TIMP2: variants seen among roughly 807,000 people sequenced by gnomAD.
The protein encoded by TIMP2 is TIMP metallopeptidase inhibitor 2, also known as metalloproteinase inhibitor 2.
TIMP2 carries 5 observed loss-of-function variants against 24.3 expected under a neutral mutation model. The observed-to-expected ratio is 0.21, with a 90% CI of 0.11 to 0.43. The LOEUF is 0.43. Among genes scored for constraint, TIMP2 ranks in the 20% least tolerant of loss-of-function variants. The pLI, the probability that TIMP2 is intolerant of heterozygous loss-of-function variation, is 1.00. For synonymous variants in TIMP2, 130 were observed against 123.2 expected, an observed-to-expected ratio of 1.06 and a Z score of -0.37; for missense variants, 221 against 297.5, an observed-to-expected ratio of 0.74 and a Z score of 1.89.
intron 1 of TIMP2, among the ~76,000 whole-genome samples, chr17:78,923,743 A>G (rs1300525623): frequency 2.0e-5 from 3 of 152,118 alleles, no homozygotes; most frequent in South Asian, 4.1e-4. Context: ...GAGACCTGTG[A>G]TCTCAATAGA....
At chr17:78,888,748 A>G (rs990815473) in intron 1 of TIMP2, among the ~76,000 whole-genome samples, 6 of 152,182 alleles carry the variant, frequency 3.9e-5, no homozygotes, top group Admixed American at 6.5e-5. Context: ...ATCAGCAGGT[A>G]TATGTCCAAG....
chr17:78,885,546 C>A (rs549212952), intron 1 of TIMP2, among the ~76,000 whole-genome samples: 14 of 152,282 alleles, frequency 9.2e-5, no homozygotes, highest in Middle Eastern at 6.8e-3. Context: ...CACCCCTGAG[C>A]CCGCCAACAT....
At chr17:78,884,801 C>T (rs539454173) in intron 1 of TIMP2, among the ~76,000 whole-genome samples, 1 of 152,322 alleles carries the variant, frequency 6.6e-6, no homozygotes, top group Non-Finnish European at 1.5e-5. Flanking sequence ...GGAAGAATGA[C>T]CACAGGTCAG....
intron 1 of TIMP2, chr17:78,901,696 T>C (rs1034314619): frequency 9.8e-5 from 70 of 716,060 alleles, no homozygotes; most frequent in Middle Eastern, 9.7e-4. Flanking sequence ...ATGGGGATGA[T>C]AACAACAGCA....
chr17:78,891,016 C>T lies in TIMP2; in HGVS notation c.131-17097G>A. ...GCCTTTGCCTGGATGCCGTCGAGCCCACTCTGTCTGCCTGGTCTTGAAGGT... is the reference window on the plus strand; with the variant it reads ...GCCTTTGCCTGGATGCCGTCGAGCCTACTCTGTCTGCCTGGTCTTGAAGGT... On this transcript the variant is annotated intron_variant, in intron 1 of 4. Transcript: ENST00000262768. The surrounding 1 kb of genome is among the most constrained non-coding windows in gnomAD (Gnocchi z 4.5). The T allele has an allele frequency of 6.4e-7, 1 of 1,551,212 alleles. No individual in the cohort carries two copies.
chr17:78,902,018 C>A, intron 1 of TIMP2: 1 of 563,492 alleles, frequency 1.8e-6, no homozygotes, highest in Admixed American at 3.2e-5. Flanking sequence ...AAATACCCTC[C>A]ATGACACGCT....
intron 1 of TIMP2, 109 bp from the exon 2 acceptor site, chr17:78,874,028 C>G (rs746075311): frequency 2.0e-5 from 19 of 959,516 alleles, no homozygotes; most frequent in Non-Finnish European, 2.4e-5. Context: ...GGGTTACAGA[C>G]AGCAGCAAGG....
chr17:78,876,532 T>C (rs558039554), intron 1 of TIMP2, among the ~76,000 whole-genome samples: 1 of 152,148 alleles, frequency 6.6e-6, no homozygotes, highest in African/African-American at 2.4e-5. Flanking sequence ...ATATATTTTT[T>C]TGAGACGGAG....
rs57033728 is a variant in TIMP2 at position 78,887,942 on chromosome 17, T to C, written c.131-14023A>G. Among the ~76,000 whole-genome samples, 315 of 152,216 alleles carry C rather than the reference T, an allele frequency of 2.1e-3. 6 individuals are homozygous for C. The East Asian group carries it at 0.051, about 25-fold the overall frequency. ...GCTCATACACGCGATGAGGATATGCTGCAGTGAAAATGAGTAAGAGGCGTT... is the reference window on the plus strand; with the variant it reads ...GCTCATACACGCGATGAGGATATGCCGCAGTGAAAATGAGTAAGAGGCGTT... On this transcript the variant is annotated intron_variant, in intron 1 of 4. Transcript: ENST00000262768.
chr17:78,866,273 G>A lies in TIMP2; in HGVS notation c.340+4625C>T, dbSNP rs369145164. On this transcript the variant is annotated intron_variant, in intron 3 of 4. Transcript: ENST00000262768. Reference sequence around the variant, plus strand: ...ATGCCTCTGCCACGCGCCACCGTGCGTGCTGTGCGGCCACCCCAGCTCTCC... The same window carrying A: ...ATGCCTCTGCCACGCGCCACCGTGCATGCTGTGCGGCCACCCCAGCTCTCC... Among the ~76,000 whole-genome samples the A allele has an allele frequency of 1.2e-4, 19 of 152,244 alleles. No homozygotes were observed. In the East Asian group the frequency reaches 2.9e-3, roughly 23 times the overall value.
chr17:78,873,193 G>A (rs956361484), intron 2 of TIMP2, among the ~76,000 whole-genome samples: 2 of 151,880 alleles, frequency 1.3e-5, no homozygotes, highest in East Asian at 1.9e-4. Flanking sequence ...CTCCACCTGC[G>A]ACATGAATTT....
intron 3 of TIMP2, among the ~76,000 whole-genome samples, chr17:78,857,985 G>T (rs1014978076): frequency 6.6e-6 from 1 of 151,928 alleles, no homozygotes; most frequent in Non-Finnish European, 1.5e-5. Context: ...CAGGAGAATC[G>T]CTCTTGCACC....
intron 1 of TIMP2, among the ~76,000 whole-genome samples, chr17:78,894,416 G>C (rs2069965971): frequency 6.6e-6 from 1 of 152,040 alleles, no homozygotes; most frequent in Non-Finnish European, 1.5e-5. Flanking sequence ...AATTAGAATA[G>C]TGGTTAATAT....
chr17:78,916,305 G>T (rs181409852), intron 1 of TIMP2, among the ~76,000 whole-genome samples: 1 of 152,298 alleles, frequency 6.6e-6, no homozygotes, highest in African/African-American at 2.4e-5. Context: ...ATGAATGTCA[G>T]TTCCCCTCGC....
intron 4 of TIMP2, 113 bp downstream of exon 4, chr17:78,857,409 A>G (rs746352967): frequency 2.1e-6 from 3 of 1,427,832 alleles, no homozygotes; most frequent in Non-Finnish European, 2.9e-6. Flanking sequence ...GCCTGGTCTT[A>G]GATCAGGAGC....
intron 1 of TIMP2, among the ~76,000 whole-genome samples, chr17:78,918,598 C>T (rs1165834713): frequency 6.6e-6 from 1 of 152,210 alleles, no homozygotes; most frequent in African/African-American, 2.4e-5. Context: ...CCTGCTTACT[C>T]CACCCCCCGA....
At chr17:78,879,294 A>G (rs1211285889) in intron 1 of TIMP2, among the ~76,000 whole-genome samples, 1 of 152,162 alleles carries the variant, frequency 6.6e-6, no homozygotes, top group African/African-American at 2.4e-5. Flanking sequence ...GCCAATGGCA[A>G]TGGTCCGCAC....
intron 3 of TIMP2, among the ~76,000 whole-genome samples, chr17:78,866,462 G>A (rs986069148): frequency 6.6e-5 from 10 of 151,906 alleles, no homozygotes; most frequent in African/African-American, 2.4e-4. Context: ...TTTGGAAAAC[G>A]GTCTGCCAGC....
At chr17:78,902,427 G>A (rs760080598) in intron 1 of TIMP2, among the ~76,000 whole-genome samples, 7 of 152,222 alleles carry the variant, frequency 4.6e-5, no homozygotes, top group Non-Finnish European at 8.8e-5. Flanking sequence ...TTTTGGACTG[G>A]CTGTGTTAGC....
Sources: allele counts gnomAD v4.1 joint callset (sites outside exome capture counted in the v4.1 genomes callset), GRCh38; gene constraint gnomAD v4.1.1; non-coding constraint Gnocchi (gnomAD v3.1); transcripts MANE v1.5; gene names NCBI Gene and HGNC (gene_info 2026-07-23, HGNC 2026-07-21).